Variants in BCL2A1 observed in about 807,000 individuals in gnomAD.
BCL2A1 encodes the protein bcl-2-related protein A1.
A neutral mutation model predicts 14.4 loss-of-function variants in BCL2A1; 10 were observed. The observed-to-expected ratio is 0.69, with a 90% CI of 0.43 to 1.18. The LOEUF is 1.18. Among genes scored for constraint, BCL2A1 ranks in the 50% most tolerant of loss-of-function variants. The pLI is 0.00. For missense variants in BCL2A1, 158 were observed against 205.0 expected, an observed-to-expected ratio of 0.77 and a Z score of 1.40; for synonymous variants, 71 against 76.5, an observed-to-expected ratio of 0.93 and a Z score of 0.38.
chr15:79,969,983 G>A (rs999693200), intron 1 of BCL2A1, among the ~76,000 whole-genome samples: 3 of 152,024 alleles, frequency 2.0e-5, no homozygotes, highest in African/African-American at 7.2e-5. Flanking sequence ...ACCAACATGA[G>A]TTTCAACACA....
At chr15:79,965,841 C>T (rs1237589182) in intron 1 of BCL2A1, among the ~76,000 whole-genome samples, 1 of 151,938 alleles carries the variant, frequency 6.6e-6, no homozygotes, top group East Asian at 1.9e-4. Flanking sequence ...ATCTTTATAC[C>T]TTTTGGAAAT....
intron 1 of BCL2A1, among the ~76,000 whole-genome samples, chr15:79,969,994 G>T (rs1596128419): frequency 6.6e-6 from 1 of 152,148 alleles, no homozygotes; most frequent in Non-Finnish European, 1.5e-5. Flanking sequence ...TTTCAACACA[G>T]GCCTCTACAT....
chr15:79,968,204 T>C (rs1020185090), intron 1 of BCL2A1, among the ~76,000 whole-genome samples: 4 of 152,214 alleles, frequency 2.6e-5, no homozygotes, highest in Admixed American at 2.0e-4. Flanking sequence ...CCAAGTATTA[T>C]GCTAAGCGTT....
At chr15:79,967,901 T>A (rs2035557426) in intron 1 of BCL2A1, among the ~76,000 whole-genome samples, 1 of 151,972 alleles carries the variant, frequency 6.6e-6, no homozygotes, top group African/African-American at 2.4e-5. Context: ...ATTTCATGTC[T>A]ACAACTTGAA....
At chr15:79,967,605 G>A (rs767324975) in intron 1 of BCL2A1, 3 of 1,581,440 alleles carry the variant, frequency 1.9e-6, no homozygotes, top group Non-Finnish European at 2.6e-6. Context: ...CTCACATCTT[G>A]ATAAAGCTGT....
Position 79,961,048 on chromosome 15 carries a change from T to C in BCL2A1, c.*19A>G, listed in dbSNP as rs189564805. The C allele has an allele frequency of 2.2e-4, 356 of 1,613,194 alleles. No homozygotes were observed. In the East Asian group the frequency reaches 7.8e-3, roughly 35 times the overall value. On this transcript the variant is annotated 3_prime_UTR_variant, in exon 2 of 2. Coordinates refer to ENST00000267953, the MANE Select transcript of BCL2A1 (RefSeq NM_004049.4). ...CAGAAAAATTAGGCCGGTTTCACAA[T>C]ATGGAGTGTCCTTTCTGGTCAACAG...
chr15:79,969,924 T>C (rs894886138), intron 1 of BCL2A1, among the ~76,000 whole-genome samples: 2 of 152,094 alleles, frequency 1.3e-5, no homozygotes, highest in African/African-American at 4.8e-5. Flanking sequence ...TTATTAAGTA[T>C]ATTGGAATAT....
intron 1 of BCL2A1, among the ~76,000 whole-genome samples, chr15:79,968,144 T>C (rs1222680501): frequency 6.6e-6 from 1 of 152,190 alleles, no homozygotes; most frequent in Non-Finnish European, 1.5e-5. Context: ...ACAAAATTTA[T>C]TGTGGAGAAG....
chr15:79,966,076 G>T (rs1432939985), intron 1 of BCL2A1, among the ~76,000 whole-genome samples: 1 of 152,030 alleles, frequency 6.6e-6, no homozygotes, highest in East Asian at 1.9e-4. Context: ...GAAGGGCAAA[G>T]AATTACCTAT....
At chr15:79,965,793 A>G (rs2035535845) in intron 1 of BCL2A1, among the ~76,000 whole-genome samples, 1 of 152,208 alleles carries the variant, frequency 6.6e-6, no homozygotes, top group South Asian at 2.1e-4. Context: ...ATCAAAGGAT[A>G]TATATGAACA....
rs140648785 is a variant in BCL2A1, at chr15:79,967,365, C to T, written c.420+3335G>A. ...CTAAGTAGCTGGGATTATAGGCATC[C>T]GCCACCAGGCCCTGCTAATTTTGTA... is the stretch of plus-strand genomic sequence containing the variant. On this transcript the variant is annotated intron_variant, in intron 1 of 1. Transcript: ENST00000267953. Among the ~76,000 whole-genome samples the T allele has an allele frequency of 3.3e-3, 507 of 151,950 alleles. 2 individuals carry two copies. Among genetic ancestry groups the T allele is most frequent in the Non-Finnish European group, 5.1e-3 (347 of 67,956 alleles).
rs1046960162 is a variant in BCL2A1, at chr15:79,960,892, T to C, written c.*175A>G. ...CAAGAAATTAAGACAAAATGGCATA[T>C]AGAGAAAAATACATACAATTTATTC... On this transcript the variant is annotated 3_prime_UTR_variant, in exon 2 of 2. Coordinates refer to ENST00000267953, the MANE Select transcript of BCL2A1 (RefSeq NM_004049.4). 8.7e-5 allele frequency: 93 copies of C among 1,070,500 alleles called. No individual in the cohort carries two copies. The African/African-American group carries it at 1.4e-3, about 16-fold the overall frequency. The allele number at this position is 1,070,500 out of a possible 1,614,324, so 66.3% of individuals were successfully genotyped here. A position where few individuals can be genotyped will look rare whatever the true frequency, so the allele number is the denominator to read the frequency against.
chr15:79,962,673 G>C (rs2035501901), intron 1 of BCL2A1, among the ~76,000 whole-genome samples: 1 of 150,846 alleles, frequency 6.6e-6, no homozygotes, highest in Non-Finnish European at 1.5e-5. Flanking sequence ...TCAGCCTCCT[G>C]AGTAGCTGGG....
chr15:79,971,034 C>A lies in BCL2A1; in HGVS notation c.86G>T (p.Gly29Val). ...TAGCACTCTGGACGTTTTGCTTGGA[C>A]CTGATCCAGGTTGTGGTATCTGTAG... is the stretch of plus-strand genomic sequence containing the variant. The part of the protein sequence containing the change: ...CVLQIPQPGS[G>V]PSKTSRVLQN... Residue 29 changes from glycine to valine, a missense_variant, in exon 1 of 2, where the codon GGT becomes GTT. Transcript: ENST00000267953. 1 of 1,614,194 alleles carries A rather than the reference C, an allele frequency of 6.2e-7. No individual in the cohort carries two copies. Among genetic ancestry groups the A allele is most frequent in the Non-Finnish European group, 8.5e-7 (1 of 1,180,024 alleles).
At chr15:79,969,501 C>T (rs1379384646) in intron 1 of BCL2A1, among the ~76,000 whole-genome samples, 1 of 152,154 alleles carries the variant, frequency 6.6e-6, no homozygotes, top group Non-Finnish European at 1.5e-5. Context: ...ACAGCACTTA[C>T]ATATAACAGA....
At chr15:79,965,002 C>T (rs1421946676) in intron 1 of BCL2A1, among the ~76,000 whole-genome samples, 7 of 152,070 alleles carry the variant, frequency 4.6e-5, no homozygotes, top group African/African-American at 1.7e-4. Context: ...ATTTGAGAGG[C>T]GGTTAGAGGC....
At position 79,961,068 on chromosome 15, in the gene BCL2A1, C is replaced by A; in HGVS notation, c.527G>T (p.Ter176LeuextTer12). Residue 176 changes from the stop codon to leucine (L), a stop_lost, in exon 2 of 2, where the codon TGA becomes TTA. Transcript: ENST00000267953. Reference protein sequence around the residue: ...EMLSLLKQYC* With the variant: ...EMLSLLKQYCL ...CACAATATGGAGTGTCCTTTCTGGT[C>A]AACAGTATTGCTTCAGGAGAGATAG... The A allele has an allele frequency of 6.2e-7, 1 of 1,613,952 alleles. No individual in the cohort carries two copies. The highest frequency in any genetic ancestry group is 1.1e-5 in the South Asian group (1 of 91,068).
chr15:79,962,318 C>A (rs995130786), intron 1 of BCL2A1, among the ~76,000 whole-genome samples: 4 of 152,090 alleles, frequency 2.6e-5, no homozygotes, highest in Admixed American at 1.3e-4. Flanking sequence ...TGAAAGACTG[C>A]CTAAGAAAGC....
At chr15:79,970,577 C>T (rs1433913376) in intron 1 of BCL2A1, 123 bp downstream of exon 1, 1 of 1,046,980 alleles carries the variant, frequency 9.6e-7, no homozygotes, top group Non-Finnish European at 1.4e-6. Context: ...AAAATTAAAA[C>T]AAACCACCCA....
Sources: gnomAD v4.1 joint callset for allele counts (sites outside exome capture counted in the v4.1 genomes callset) on GRCh38, gnomAD v4.1.1 for gene constraint, MANE v1.5 for transcripts, NCBI Gene and HGNC (gene_info 2026-07-23, HGNC 2026-07-21) for gene names.